NTNG1: variants seen among roughly 807,000 people sequenced by gnomAD.
NTNG1 encodes netrin G1.
In NTNG1, 16 loss-of-function variants were observed where a neutral mutation model predicts 54.0. The ratio of observed to expected loss-of-function variants is 0.30; its 90% confidence interval spans 0.20 to 0.45. NTNG1 has a LOEUF of 0.45. Ranked by LOEUF, NTNG1 falls within the 20% of genes least tolerant of loss-of-function variation. The pLI, the probability that NTNG1 is intolerant of heterozygous loss-of-function variation, is 1.00. For synonymous variants in NTNG1, 255 were observed against 263.1 expected (o/e 0.97, Z 0.30); for missense variants, 530 against 678.7 (o/e 0.78, Z 2.43).
rs1678789790 is a variant in NTNG1, at chr1:107,482,490, T to C, written c.*1650T>C. ...AAGGGGAGGCAGGTGGGGAAGAACC[T>C]TTGCAAAGTTTCAAAGAGGCTAAGA... On this transcript the variant is annotated 3_prime_UTR_variant, in exon 8 of 8. Transcript: ENST00000370068. 1 of 152,238 alleles carries C rather than the reference T, an allele frequency of 6.6e-6. No individual in the cohort carries two copies. Among genetic ancestry groups the C allele is most frequent in the African/African-American group, 2.4e-5 (1 of 41,450 alleles). The allele number at this position is 152,238 out of a possible 1,614,324, so 9.4% of individuals were successfully genotyped here.
intron 6 of NTNG1, among the ~76,000 whole-genome samples, chr1:107,433,637 GA>G (rs1221655978): frequency 6.6e-6 from 1 of 152,192 alleles, no homozygotes; most frequent in Non-Finnish European, 1.5e-5. Flanking sequence ...TTCTAAAGAA[GA>G]AAATTGTGTT....
At chr1:107,285,546 A>C (rs1238443817) in intron 2 of NTNG1, among the ~76,000 whole-genome samples, 1 of 152,144 alleles carries the variant, frequency 6.6e-6, no homozygotes, top group East Asian at 1.9e-4. Context: ...TGGTAAGAAT[A>C]AGGCAGCTTT....
At chr1:107,236,673 G>A (rs570451686) in intron 2 of NTNG1, among the ~76,000 whole-genome samples, 8 of 152,218 alleles carry the variant, frequency 5.3e-5, no homozygotes, top group African/African-American at 1.9e-4. Flanking sequence ...GACTCATGTG[G>A]GCAGGTCTTT....
At chr1:107,210,755 A>T (rs998041549) in intron 2 of NTNG1, among the ~76,000 whole-genome samples, 21 of 152,160 alleles carry the variant, frequency 1.4e-4, no homozygotes, top group Non-Finnish European at 1.5e-4. Context: ...CTCTCACCCT[A>T]GATTCTAAAC....
intron 7 of NTNG1, among the ~76,000 whole-genome samples, chr1:107,441,605 C>T (rs1223540085): frequency 1.3e-5 from 2 of 152,096 alleles, no homozygotes; most frequent in African/African-American, 4.8e-5. Flanking sequence ...TGGGCCCACA[C>T]ATGTAATCTA....
intron 2 of NTNG1, among the ~76,000 whole-genome samples, chr1:107,301,871 T>C (rs527548709): frequency 6.6e-6 from 1 of 152,338 alleles, no homozygotes; most frequent in South Asian, 2.1e-4. Flanking sequence ...AATCCTGTTG[T>C]GAATCTTTAT....
At chr1:107,188,712 A>G (rs1657659887) in intron 2 of NTNG1, among the ~76,000 whole-genome samples, 1 of 152,066 alleles carries the variant, frequency 6.6e-6, no homozygotes, top group African/African-American at 2.4e-5. Context: ...TAATCTATCC[A>G]TTGGTTAATG....
chr1:107,469,097 C>CAAAAAA (rs35394442), intron 7 of NTNG1, among the ~76,000 whole-genome samples: 1 of 115,638 alleles, frequency 8.6e-6, no homozygotes, highest in Non-Finnish European at 1.7e-5. Flanking sequence ...AACTCCATTT[C>CAAAAAA]AAAAAAAAAA....
chr1:107,282,956 C>T (rs72699353), intron 2 of NTNG1, among the ~76,000 whole-genome samples: 54,367 of 151,898 alleles, frequency 0.36, 10,432 homozygotes, highest in East Asian at 0.49. Context: ...CCTCACTTGA[C>T]AGAGGGGGTG....
At chr1:107,446,866 A>G (rs1385343993) in intron 7 of NTNG1, among the ~76,000 whole-genome samples, 8 of 152,204 alleles carry the variant, frequency 5.3e-5, no homozygotes, top group Admixed American at 6.6e-5. Context: ...GTAAATTCCA[A>G]TATAGGCACA....
chr1:107,475,067 A>G (rs1678226568), intron 7 of NTNG1, among the ~76,000 whole-genome samples: 2 of 152,172 alleles, frequency 1.3e-5, no homozygotes, highest in South Asian at 4.1e-4. Context: ...ATGTGGTAAA[A>G]CCCTAGGATG....
intron 5 of NTNG1, among the ~76,000 whole-genome samples, chr1:107,414,966 C>T (rs1055746126): frequency 5.9e-5 from 9 of 152,060 alleles, no homozygotes; most frequent in African/African-American, 2.2e-4. Flanking sequence ...CCCACAGATA[C>T]AATCTGAAAA....
At chr1:107,405,713 T>C (rs1229147678) in intron 4 of NTNG1, among the ~76,000 whole-genome samples, 2 of 152,154 alleles carry the variant, frequency 1.3e-5, no homozygotes, top group East Asian at 3.9e-4. Flanking sequence ...AGTCTCTTCC[T>C]GCCATCCCAA....
chr1:107,278,097 G>A (rs1213874190), intron 2 of NTNG1, among the ~76,000 whole-genome samples: 1 of 152,032 alleles, frequency 6.6e-6, no homozygotes, highest in African/African-American at 2.4e-5. Context: ...ACTTCTCTCT[G>A]GATATTTTCT....
chr1:107,320,145 A>C (rs1047784838), intron 2 of NTNG1, among the ~76,000 whole-genome samples: 2 of 152,186 alleles, frequency 1.3e-5, no homozygotes, highest in Admixed American at 1.3e-4. Context: ...TAAACATCAC[A>C]ATCTTCTTCT....
intron 3 of NTNG1, among the ~76,000 whole-genome samples, chr1:107,336,970 A>G (rs1271119685): frequency 6.6e-6 from 1 of 151,970 alleles, no homozygotes; most frequent in African/African-American, 2.4e-5. Context: ...ACATAAAATA[A>G]CATGGTTGGA....
chr1:107,454,783 CT>C (rs1676835226), intron 7 of NTNG1, among the ~76,000 whole-genome samples: 6 of 152,332 alleles, frequency 3.9e-5, no homozygotes, highest in Admixed American at 3.9e-4. Flanking sequence ...TTTATCTGAT[CT>C]TTGCAATATC....
chr1:107,464,129 C>A (rs1307947053), intron 7 of NTNG1, among the ~76,000 whole-genome samples: 2 of 152,176 alleles, frequency 1.3e-5, no homozygotes, highest in Non-Finnish European at 2.9e-5. Flanking sequence ...GGGGCATCAG[C>A]TTTACACCCT....
chr1:107,219,651 A>G (rs1660213141), intron 2 of NTNG1, among the ~76,000 whole-genome samples: 1 of 152,152 alleles, frequency 6.6e-6, no homozygotes, highest in Non-Finnish European at 1.5e-5. Context: ...GGGCTTCCTG[A>G]GAGCTGAACT....
Sources: gnomAD v4.1 joint callset for allele counts (sites outside exome capture counted in the v4.1 genomes callset) on GRCh38, gnomAD v4.1.1 for gene constraint, MANE v1.5 for transcripts, NCBI Gene and HGNC (gene_info 2026-07-23, HGNC 2026-07-21) for gene names.